CUZD1: variants seen among roughly 807,000 people sequenced by gnomAD.
The protein encoded by CUZD1 is CUB and zona pellucida like domains 1, also known as CUB and zona pellucida-like domain-containing protein 1.
Under a neutral mutation model 53.1 loss-of-function variants are expected in CUZD1, and 42 were observed. The ratio of observed to expected loss-of-function variants is 0.79; its 90% CI spans 0.62 to 1.02. The LOEUF is 1.02. Among genes scored for constraint, CUZD1 ranks in the 50% least tolerant of loss-of-function variants. CUZD1 has a pLI of 0.00. For synonymous variants in CUZD1, 238 were observed against 257.2 expected (o/e 0.93, Z 0.71); for missense variants, 670 against 715.7 (o/e 0.94, Z 0.73).
chr10:122,835,302 T>C (rs564780059), intron 6 of CUZD1, among the ~76,000 whole-genome samples: 1 of 152,342 alleles, frequency 6.6e-6, no homozygotes, highest in East Asian at 1.9e-4. Context: ...ATACAGCTTG[T>C]ATTAGAAAGA....
At chr10:122,832,789 G>GA (rs939942740) in intron 8 of CUZD1, among the ~76,000 whole-genome samples, 6 of 148,782 alleles carry the variant, frequency 4.0e-5, no homozygotes, top group Admixed American at 2.0e-4. Context: ...TTTGTCAACA[G>GA]AAAAAAAAAA....
In CUZD1 at chr10:122,841,311, C is replaced by T. The variant is rs201593810; in HGVS notation, c.100G>A (p.Val34Ile). The T allele has an allele frequency of 6.2e-7, 1 of 1,608,972 alleles. No homozygotes were observed. The highest frequency in any genetic ancestry group is 8.5e-7 in the Non-Finnish European group (1 of 1,177,828). Residue 34 changes from valine to isoleucine, a missense_variant, in exon 2 of 9, where the codon GTC (valine) becomes ATC (isoleucine). By Grantham distance (29) the Val-to-Ile change is conservative. Coordinates refer to ENST00000392790, the MANE Select transcript of CUZD1 (RefSeq NM_022034.6). ...AEAEGNASCTVSLGGANMAET... is the reference protein window; with the variant it reads ...AEAEGNASCTISLGGANMAET... ...GCCATATTGGCACCCCCTAGACTGA[C>T]TGTGCAGCTTGCATTGCCTGTTAGA...
chr10:122,835,972 C>T (rs1048339299), intron 6 of CUZD1, among the ~76,000 whole-genome samples: 1 of 152,100 alleles, frequency 6.6e-6, no homozygotes, highest in African/African-American at 2.4e-5. Context: ...AACTATCCCC[C>T]ACTTATCCTG....
rs117580841 is a variant in CUZD1, at chr10:122,838,446, C to A, written c.448+571G>T. 3.8e-3 allele frequency among the ~76,000 whole-genome samples: 572 copies of A among 152,232 alleles called. 3 individuals are homozygous for A. The highest frequency in any genetic ancestry group is 0.014 in the Middle Eastern group (4 of 294). ...GAATGTAGGTGCTGTGAATGCAGAG[C>A]CCTGTAAATGTAGCCTCCAATCACC... On this transcript the variant is annotated intron_variant, in intron 3 of 8. Transcript: ENST00000392790.
At chr10:122,843,037 T>C (rs959820667) in intron 1 of CUZD1, among the ~76,000 whole-genome samples, 1 of 152,224 alleles carries the variant, frequency 6.6e-6, no homozygotes, top group African/African-American at 2.4e-5. Flanking sequence ...ACAGCTGCCA[T>C]GGAAAACAGT....
intron 4 of CUZD1, 80 bp downstream of exon 4, chr10:122,837,324 T>C (rs1847269323): frequency 2.8e-6 from 4 of 1,452,634 alleles, no homozygotes; most frequent in South Asian, 1.2e-5. Flanking sequence ...TTACGTATGA[T>C]AATTTCTCTT....
rs113560150 is a variant in CUZD1 at position 122,841,672 on chromosome 10, G to T, written c.83-344C>A. Among the ~76,000 whole-genome samples the T allele has an allele frequency of 5.2e-3, 797 of 152,268 alleles. 8 individuals carry two copies. The highest frequency in any genetic ancestry group is 0.034 in the East Asian group (176 of 5,182). On this transcript the variant is annotated intron_variant, in intron 1 of 8. Transcript: ENST00000392790. ...TCATATGTTAAGTGTATATTTAACT[G>T]CATAAGAAACTGCCAAACCATTTGC... is the stretch of plus-strand genomic sequence containing the variant.
chr10:122,832,183 C>G lies in CUZD1; in HGVS notation c.*95G>C, dbSNP rs917582603. 1.6e-6 allele frequency: 2 copies of G among 1,269,386 alleles called. No homozygotes were observed. Among genetic ancestry groups the G allele is most frequent in the Admixed American group, 3.8e-5 (2 of 53,144 alleles). The allele number at this position is 1,269,386 out of a possible 1,614,324, so 78.6% of individuals were successfully genotyped here. Reference sequence around the variant, plus strand: ...TGCAGGCCTGTGTGTCACTTTCAGGCCCTTCCTCATTTATTCATAATATGT... The same window carrying G: ...TGCAGGCCTGTGTGTCACTTTCAGGGCCTTCCTCATTTATTCATAATATGT... On this transcript the variant is annotated 3_prime_UTR_variant, in exon 9 of 9. Coordinates refer to ENST00000392790, the MANE Select transcript of CUZD1 (RefSeq NM_022034.6).
chr10:122,832,545 T>C, intron 8 of CUZD1, 95 bp from the exon 9 acceptor site: 1 of 1,001,130 alleles, frequency 1.0e-6, no homozygotes. Context: ...ATCCTATGAA[T>C]CTTATATATG....
At position 122,845,729 on chromosome 10, in the gene CUZD1, T is replaced by C. The variant is rs757883297; in HGVS notation, c.82+33A>G. ...GCCTCTTAAGAGAAGAACTTCTCTG[T>C]TTTGGTGAATAAATCTGGTTCAATT... On this transcript the variant is annotated intron_variant, in intron 1 of 8. Transcript: ENST00000392790. 3.8e-6 allele frequency: 6 copies of C among 1,597,948 alleles called. No individual in the cohort carries two copies. The African/African-American group carries it at 8.0e-5, about 21-fold the overall frequency.
At position 122,834,844 on chromosome 10, in the gene CUZD1, T is replaced by A. The variant is rs1847222630; in HGVS notation, c.1244A>T (p.Tyr415Phe). 1 of 1,613,764 alleles carries A rather than the reference T, an allele frequency of 6.2e-7. No homozygotes were observed. The highest frequency in any genetic ancestry group is 8.5e-7 in the Non-Finnish European group (1 of 1,179,846). The change falls in exon 7 of 9, where the codon TAT (tyrosine) becomes TTT (phenylalanine). Residue 415 changes from tyrosine (Y) to phenylalanine (F), a missense_variant. By Grantham distance (22) the Tyr-to-Phe change is conservative. Coordinates refer to ENST00000392790, the MANE Select transcript of CUZD1 (RefSeq NM_022034.6). ...AAAAAGAGTTTGGTTCAAATCCACA[T>A]AATATGGTGATTCAAGTATAGTCTT... ...FEKTILESPY[Y>F]VDLNQTLFVQ...
intron 7 of CUZD1, 34 bp from the exon 8 acceptor site, chr10:122,833,974 A>T: frequency 6.3e-7 from 1 of 1,586,386 alleles, no homozygotes; most frequent in Non-Finnish European, 8.6e-7. Context: ...TTTAGAAGAT[A>T]CAGACAAATT....
At position 122,836,967 on chromosome 10, in the gene CUZD1, T is replaced by A. The variant is rs200891112; in HGVS notation, c.681A>T (p.Gln227His). The change falls in exon 5 of 9, where the codon CAA (glutamine) becomes CAT (histidine). Residue 227 changes from glutamine (Q) to histidine (H), a missense_variant. Physicochemically the swap from Gln to His is conservative, Grantham distance 24. Transcript: ENST00000392790. ...AGGTGGGAGTCACACGGCCACAGAC[T>A]TGTCCAATCAGGCCAGAGTTGGTGG... ...GPSTNSGLIG[Q>H]VCGRVTPTFE... 7.8e-5 allele frequency: 126 copies of A among 1,613,974 alleles called. No homozygotes were observed. Among genetic ancestry groups the A allele is most frequent in the Non-Finnish European group, 1.0e-4 (121 of 1,179,980 alleles).
intron 1 of CUZD1, among the ~76,000 whole-genome samples, chr10:122,842,605 T>C (rs1847362770): frequency 6.6e-6 from 1 of 152,218 alleles, no homozygotes; most frequent in Admixed American, 6.5e-5. Context: ...CTTTGCTTTT[T>C]CAATAAATTT....
intron 7 of CUZD1, 36 bp downstream of exon 7, chr10:122,834,670 G>T: frequency 1.4e-6 from 2 of 1,467,668 alleles, no homozygotes; most frequent in South Asian, 3.1e-5. Context: ...CCACAGGAAG[G>T]AATATCATAC....
chr10:122,837,495 A>G lies in CUZD1; in HGVS notation c.508T>C (p.Tyr170His). Residue 170 changes from tyrosine to histidine, a missense_variant, in exon 4 of 9, where the codon TAC (tyrosine) becomes CAC (histidine). By Grantham distance (83) the Tyr-to-His change is moderately conservative. Transcript: ENST00000392790. ...TLEGSFTSPN[Y>H]PKPHPELAYC... Reference sequence around the variant, plus strand: ...GCCAGCTCAGGATGCGGCTTTGGGTAATTGGGGCTGGTGAAGGATCCTTCC... The same window carrying G: ...GCCAGCTCAGGATGCGGCTTTGGGTGATTGGGGCTGGTGAAGGATCCTTCC... 6.2e-7 allele frequency: 1 copy of G among 1,610,660 alleles called. No homozygotes were observed. Among genetic ancestry groups the G allele is most frequent in the Non-Finnish European group, 8.5e-7 (1 of 1,178,748 alleles).
intron 1 of CUZD1, among the ~76,000 whole-genome samples, chr10:122,842,467 A>G (rs1847360722): frequency 6.6e-6 from 1 of 152,040 alleles, no homozygotes; most frequent in Non-Finnish European, 1.5e-5. Context: ...TTCTATTTCA[A>G]TTTTCTCTGT....
rs528627329 is a variant in CUZD1 at position 122,839,162 on chromosome 10, A to C, written c.303T>G (p.Pro101=). The change falls in exon 3 of 9, where the codon CCT becomes CCG. Residue 101 remains proline, a synonymous_variant. Transcript: ENST00000392790. ...KVFDGTSSNG[P]LLGQVCSKND... is the part of the protein sequence containing the mutation. ...TTTTACTGCAGACTTGCCCTAGCAGAGGCCCATTGCTGGAGGTTCCGTCAA... is the reference window on the plus strand; with the variant it reads ...TTTTACTGCAGACTTGCCCTAGCAGCGGCCCATTGCTGGAGGTTCCGTCAA... 5.0e-6 allele frequency: 8 copies of C among 1,614,172 alleles called. No individual in the cohort carries two copies. In the South Asian group the frequency reaches 6.6e-5, roughly 13 times the overall value.
At chr10:122,839,716 G>T (rs1446907094) in intron 2 of CUZD1, among the ~76,000 whole-genome samples, 1 of 152,130 alleles carries the variant, frequency 6.6e-6, no homozygotes, top group Non-Finnish European at 1.5e-5. Context: ...TCCTCATTCT[G>T]AAGGACAGTC....
Sources: gnomAD v4.1 joint callset for allele counts (sites outside exome capture counted in the v4.1 genomes callset) on GRCh38, gnomAD v4.1.1 for gene constraint, MANE v1.5 for transcripts, NCBI Gene and HGNC (gene_info 2026-07-23, HGNC 2026-07-21) for gene names.